Variants in FARS2 observed in about 807,000 individuals in gnomAD.
FARS2 encodes the protein phenylalanyl-tRNA synthetase 2, mitochondrial, also known as phenylalanine--tRNA ligase, mitochondrial.
In FARS2, 40 loss-of-function variants were observed where a neutral mutation model predicts 46.4. The ratio of observed to expected loss-of-function variants is 0.86; its 90% CI spans 0.67 to 1.12. FARS2 has a LOEUF of 1.12. Among genes scored for constraint, FARS2 ranks in the 50% most tolerant of loss-of-function variants. The probability of loss-of-function intolerance (pLI) is 0.00; values close to 1 mark genes in which losing one functional copy is unlikely to be tolerated. For missense variants in FARS2, 513 were observed against 567.9 expected (o/e 0.90, Z 0.98); for synonymous variants, 234 against 214.9 (o/e 1.09, Z -0.78).
intron 4 of FARS2, among the ~76,000 whole-genome samples, chr6:5,477,115 A>G (rs543140863): frequency 6.6e-6 from 1 of 152,330 alleles, no homozygotes; most frequent in African/African-American, 2.4e-5. Flanking sequence ...GTCCAATTCA[A>G]TTTATGTGGC....
At position 5,475,592 on chromosome 6, in the gene FARS2, A is replaced by G. The variant is rs544556514; in HGVS notation, c.904+44420A>G. Among the ~76,000 whole-genome samples, 3 of 152,246 alleles carry G rather than the reference A, an allele frequency of 2.0e-5. No homozygotes were observed. The South Asian group carries it at 6.2e-4, about 32-fold the overall frequency. ...ATCTCGGCTCTAGCTCATGGCCTTCAAGGCTCTGCATCATGGGCACCTGCC... is the reference window on the plus strand; with the variant it reads ...ATCTCGGCTCTAGCTCATGGCCTTCGAGGCTCTGCATCATGGGCACCTGCC... On this transcript the variant is annotated intron_variant, in intron 4 of 6. Coordinates refer to ENST00000274680, the MANE Select transcript of FARS2 (RefSeq NM_006567.5).
chr6:5,431,167 A>G lies in FARS2; in HGVS notation c.899A>G (p.Asn300Ser), dbSNP rs863223959. The G allele has an allele frequency of 6.2e-7, 1 of 1,613,718 alleles. No individual in the cohort carries two copies. The highest frequency in any genetic ancestry group is 8.5e-7 in the Non-Finnish European group (1 of 1,179,708). ...GGGGTGATGGAACAACAACTGGTCA[A>G]TTCAGGTAAAAAAGAATCCCACATT... ...GCGVMEQQLVNSAGAQDRIGW... is the reference protein window; with the variant it reads ...GCGVMEQQLVSSAGAQDRIGW... Residue 300 changes from asparagine to serine, a missense_variant, in exon 4 of 7, where the codon AAT becomes AGT. Asn to Ser is a conservative substitution (Grantham distance 46). Transcript: ENST00000274680.
chr6:5,279,400 GA>G (rs1280995325), intron 1 of FARS2, among the ~76,000 whole-genome samples: 7 of 146,252 alleles, frequency 4.8e-5, no homozygotes, highest in Admixed American at 4.8e-4. Context: ...AAAAGAAAAA[GA>G]AAAAAAGAAA....
At chr6:5,578,694 A>G (rs556611075) in intron 5 of FARS2, among the ~76,000 whole-genome samples, 1 of 151,518 alleles carries the variant, frequency 6.6e-6, no homozygotes, top group Non-Finnish European at 1.5e-5. Flanking sequence ...CTATAGTCCC[A>G]GCTACTTGGG....
At chr6:5,437,979 G>A (rs1213402983) in intron 4 of FARS2, among the ~76,000 whole-genome samples, 1 of 151,972 alleles carries the variant, frequency 6.6e-6, no homozygotes, top group African/African-American at 2.4e-5. Context: ...TTTTATGTGA[G>A]AATGTTTTTA....
chr6:5,416,499 T>C (rs1456589904), intron 3 of FARS2, among the ~76,000 whole-genome samples: 1 of 152,236 alleles, frequency 6.6e-6, no homozygotes, highest in African/African-American at 2.4e-5. Flanking sequence ...CTGTTATTTG[T>C]CTATCTTGAC....
intron 6 of FARS2, among the ~76,000 whole-genome samples, chr6:5,757,375 G>A (rs1762259658): frequency 1.3e-5 from 2 of 152,014 alleles, no homozygotes; most frequent in South Asian, 4.1e-4. Context: ...GTAGTTAGGA[G>A]CAAATAGCAT....
At chr6:5,404,432 C>G (rs556378755) in intron 2 of FARS2, 110 bp from the exon 3 acceptor site, 2 of 627,344 alleles carry the variant, frequency 3.2e-6, no homozygotes, top group East Asian at 5.7e-5. Context: ...GAGTCTTATT[C>G]CCACATTATA....
intron 3 of FARS2, among the ~76,000 whole-genome samples, chr6:5,429,295 G>A (rs1185716191): frequency 6.6e-6 from 1 of 152,136 alleles, no homozygotes; most frequent in African/African-American, 2.4e-5. Context: ...TTGTATTACT[G>A]TTGTAAACAG....
chr6:5,721,442 A>C (rs1470923144), intron 6 of FARS2, among the ~76,000 whole-genome samples: 1 of 152,220 alleles, frequency 6.6e-6, no homozygotes, highest in East Asian at 1.9e-4. Context: ...GAAATCTGAA[A>C]TTATATCAAT....
chr6:5,447,970 A>G (rs1410130525), intron 4 of FARS2, among the ~76,000 whole-genome samples: 2 of 152,242 alleles, frequency 1.3e-5, no homozygotes, highest in African/African-American at 4.8e-5. Context: ...TTCGTCTTGA[A>G]GAATGCATAG....
chr6:5,410,568 T>C (rs62385374), intron 3 of FARS2, among the ~76,000 whole-genome samples: 17,940 of 152,224 alleles, frequency 0.12, 1,464 homozygotes, highest in East Asian at 0.34. Flanking sequence ...TTCTGAAAAA[T>C]GTCTTGGTAA....
intron 6 of FARS2, among the ~76,000 whole-genome samples, chr6:5,731,963 C>T (rs373147991): frequency 8.2e-4 from 125 of 152,228 alleles, no homozygotes; most frequent in African/African-American, 2.8e-3. Context: ...CCTGTAGAGC[C>T]GCACCTGGCC....
chr6:5,399,127 T>TATTTTTTTA (rs1202636806), intron 2 of FARS2, among the ~76,000 whole-genome samples: 1 of 125,844 alleles, frequency 7.9e-6, no homozygotes, highest in African/African-American at 3.1e-5. Context: ...TTTATATTAT[T>TATTTTTTTA]TTATTATTAT....
intron 1 of FARS2, 75 bp downstream of exon 1, chr6:5,261,735 G>A (rs1303778631): frequency 6.6e-6 from 1 of 152,336 alleles, no homozygotes; most frequent in East Asian, 1.9e-4. Flanking sequence ...ATTGGCCGTG[G>A]ATTTTTTCCT....
intron 6 of FARS2, among the ~76,000 whole-genome samples, chr6:5,690,517 A>G (rs1474331977): frequency 6.6e-6 from 1 of 151,422 alleles, no homozygotes; most frequent in Non-Finnish European, 1.5e-5. Context: ...AGAATGTTGA[A>G]TATTGGCCCC....
At chr6:5,284,746 T>G (rs1242707575) in intron 1 of FARS2, among the ~76,000 whole-genome samples, 1 of 152,176 alleles carries the variant, frequency 6.6e-6, no homozygotes, top group Non-Finnish European at 1.5e-5. Context: ...CTTGAAATGT[T>G]CTCCCTCCTC....
chr6:5,768,677 G>C (rs190974947), intron 6 of FARS2, among the ~76,000 whole-genome samples: 66 of 152,254 alleles, frequency 4.3e-4, no homozygotes, highest in African/African-American at 1.6e-3. Flanking sequence ...GCATCCTAAT[G>C]GGCCTGAAGT....
At chr6:5,730,627 TAGAG>T (rs972970431) in intron 6 of FARS2, among the ~76,000 whole-genome samples, 9 of 152,112 alleles carry the variant, frequency 5.9e-5, no homozygotes, top group Non-Finnish European at 1.2e-4. Flanking sequence ...CCAGGGCCAG[TAGAG>T]AGGAATTAAA....
Sources: allele counts gnomAD v4.1 joint callset (sites outside exome capture counted in the v4.1 genomes callset), GRCh38; gene constraint gnomAD v4.1.1; transcripts MANE v1.5; gene names NCBI Gene and HGNC (gene_info 2026-07-23, HGNC 2026-07-21).